Variants in CACNA1A observed in about 807,000 individuals in gnomAD.
The protein encoded by CACNA1A is calcium voltage-gated channel subunit alpha1 A.
A neutral mutation model predicts 262.4 loss-of-function variants in CACNA1A; 57 were observed. The ratio of observed to expected loss-of-function variants is 0.22; its 90% CI spans 0.18 to 0.27. The LOEUF (loss-of-function observed/expected upper bound fraction) is 0.27. Among genes scored for constraint, CACNA1A ranks in the 10% least tolerant of loss-of-function variants. CACNA1A has a pLI of 1.00. For synonymous variants in CACNA1A, 1,431 were observed against 1,419.3 expected, an observed-to-expected ratio of 1.01 and a Z score of -0.18; for missense variants, 2,526 against 3,562.8, an observed-to-expected ratio of 0.71 and a Z score of 7.41.
At chr19:13,421,529 T>C (rs894149429) in intron 3 of CACNA1A, among the ~76,000 whole-genome samples, 35 of 152,144 alleles carry the variant, frequency 2.3e-4, no homozygotes, top group African/African-American at 8.0e-4. Flanking sequence ...CAAATTCATA[T>C]GTTGAAACCT....
chr19:13,452,210 T>C (rs746862805), intron 3 of CACNA1A: 2 of 152,202 alleles, frequency 1.3e-5, no homozygotes, highest in Non-Finnish European at 2.9e-5. Flanking sequence ...GATCTTTTGT[T>C]ATACCAGCAA....
chr19:13,222,827 T>C (rs544356392), intron 38 of CACNA1A, among the ~76,000 whole-genome samples: 199 of 151,492 alleles, frequency 1.3e-3, no homozygotes, highest in Non-Finnish European at 2.2e-3. Flanking sequence ...CCGGAGTAGC[T>C]GGGGTTACAG....
At chr19:13,261,677 C>G in intron 25 of CACNA1A, 67 bp from the exon 26 acceptor site, 1 of 1,465,724 alleles carries the variant, frequency 6.8e-7, no homozygotes, top group Middle Eastern at 1.7e-4. Flanking sequence ...CCTCCAGTGG[C>G]CCATCATACC....
chr19:13,419,416 C>G (rs2060279587), intron 3 of CACNA1A, among the ~76,000 whole-genome samples: 2 of 152,208 alleles, frequency 1.3e-5, no homozygotes, highest in African/African-American at 4.8e-5. Context: ...TGGCTCATAT[C>G]TGTAATCCCA....
In CACNA1A at chr19:13,347,911, ATTTATT is replaced by A. The variant is rs1348222215; in HGVS notation, c.978+11689_978+11694del. ...CCAGGGGACACGCATTTATTTATTT[ATTTATT>A]TTTAATTATTAGGTTTTTTTTGAGA... On this transcript the variant is annotated intron_variant, in intron 6 of 46. Transcript: ENST00000360228. Among the ~76,000 whole-genome samples, 4 of 152,026 alleles carry A rather than the reference ATTTATT, an allele frequency of 2.6e-5. No homozygotes were observed. The East Asian group carries it at 5.8e-4, about 22-fold the overall frequency.
chr19:13,359,219 G>C, intron 6 of CACNA1A, among the ~76,000 whole-genome samples: 1 of 152,172 alleles, frequency 6.6e-6, no homozygotes. Flanking sequence ...GGTATGGCTG[G>C]AGAAGGACTG....
chr19:13,209,337 C>A lies in CACNA1A; in HGVS notation c.6501G>T (p.Leu2167=), dbSNP rs781746273. The A allele has an allele frequency of 1.9e-5, 27 of 1,393,730 alleles. No homozygotes were observed. The highest frequency in any genetic ancestry group is 2.0e-5 in the Non-Finnish European group (21 of 1,069,680). 86.3% of individuals were successfully genotyped at this position (1,393,730 alleles called of 1,614,324 possible). ...DRSHRASERS[L]GRYTDVDTGL... ...CTGTGTCCACATCGGTGTAGCGGCC[C>A]AGGGAGCGCTCAGAGGCGCGGTGGC... Residue 2167 remains leucine (L), a synonymous_variant, in exon 45 of 47, where the codon CTG becomes CTT. Coordinates refer to ENST00000360228, the MANE Select transcript of CACNA1A (RefSeq NM_001127222.2).
At chr19:13,413,137 C>T (rs1367100264) in intron 3 of CACNA1A, among the ~76,000 whole-genome samples, 5 of 150,592 alleles carry the variant, frequency 3.3e-5, no homozygotes, top group African/African-American at 9.7e-5. Context: ...TGGTGTCTCG[C>T]GCTCTGTCGC....
intron 30 of CACNA1A, among the ~76,000 whole-genome samples, chr19:13,251,220 C>A (rs539703550): frequency 2.4e-4 from 36 of 151,198 alleles, no homozygotes; most frequent in African/African-American, 8.3e-4. Flanking sequence ...GCGGTGGCTC[C>A]CGCCTGTAAT....
intron 3 of CACNA1A, among the ~76,000 whole-genome samples, chr19:13,411,667 CCT>C (rs1491581104): frequency 5.3e-5 from 8 of 150,924 alleles, no homozygotes; most frequent in Non-Finnish European, 1.0e-4. Flanking sequence ...CCTTGACTTC[CCT>C]CTCTCTCTTT....
rs189309820 is a variant in CACNA1A at position 13,381,387 on chromosome 19, A to C, written c.540-9608T>G. Among the ~76,000 whole-genome samples the C allele has an allele frequency of 1.1e-3, 158 of 144,832 alleles. No homozygotes were observed. In the East Asian group the frequency reaches 0.013, roughly 12 times the overall value. ...GCATTCCAGGCTGGAAGACAGAGCG[A>C]GACCCTGTATCTTAAGAGATAAAAG... On this transcript the variant is annotated intron_variant, in intron 3 of 46. Coordinates refer to ENST00000360228, the MANE Select transcript of CACNA1A (RefSeq NM_001127222.2).
chr19:13,370,614 G>C (rs893924133), intron 4 of CACNA1A, among the ~76,000 whole-genome samples: 2 of 150,906 alleles, frequency 1.3e-5, no homozygotes, highest in Non-Finnish European at 3.0e-5. Context: ...TTTGAGACAG[G>C]GTTTCGCCAT....
In CACNA1A at chr19:13,238,638, T is replaced by C. The variant is rs533089903; in HGVS notation, c.4951-2908A>G. 3.8e-4 allele frequency among the ~76,000 whole-genome samples: 57 copies of C among 151,644 alleles called. No homozygotes were observed. The South Asian group carries it at 0.012, about 31-fold the overall frequency. On this transcript the variant is annotated intron_variant, in intron 31 of 46. Transcript: ENST00000360228. ...TCTCACTCTGTTGCCCAGGCTGGAGTGCAATGGCACGACCTCGGCTCACTG... is the reference window on the plus strand; with the variant it reads ...TCTCACTCTGTTGCCCAGGCTGGAGCGCAATGGCACGACCTCGGCTCACTG...
At position 13,308,590 on chromosome 19, in the gene CACNA1A, A is replaced by G; in HGVS notation, c.1669-62T>C. On this transcript the variant is annotated intron_variant, in intron 12 of 46. Transcript: ENST00000360228. This position sits in a 1 kb window ranked among gnomAD's most constrained non-coding sequence, Gnocchi z 4.2. ...TGTCTGGGCTCCAGAACTGGCAAGC[A>G]TTTCCTAGGTACCAACCTTGCAAGA... 1.9e-6 allele frequency: 2 copies of G among 1,059,284 alleles called. No individual in the cohort carries two copies. Among genetic ancestry groups the G allele is most frequent in the South Asian group, 3.1e-5 (2 of 64,046 alleles). The allele number at this position is 1,059,284 out of a possible 1,614,324, so 65.6% of individuals were successfully genotyped here.
rs768317498 is a variant in CACNA1A, at chr19:13,255,224, C to T, written c.4626G>A (p.Pro1542=). ...ACIDFAISAK[P]LTRHMPQNKQ... ...TGTTCTGCGGCATGTGTCGGGTCAG[C>T]GGCTTGGCGCTGATGGCGAAATCAA... The change falls in exon 29 of 47, where the codon CCG becomes CCA. Residue 1542 remains proline, a synonymous_variant. Coordinates refer to ENST00000360228, the MANE Select transcript of CACNA1A (RefSeq NM_001127222.2). The T allele has an allele frequency of 1.6e-5, 26 of 1,605,960 alleles. No homozygotes were observed. Among genetic ancestry groups the T allele is most frequent in the African/African-American group, 5.4e-5 (4 of 74,746 alleles).
At chr19:13,349,735 A>T (rs2058872443) in intron 6 of CACNA1A, among the ~76,000 whole-genome samples, 1 of 152,226 alleles carries the variant, frequency 6.6e-6, no homozygotes. Flanking sequence ...CGCTGTGCAC[A>T]GCTCTGGGAC....
At chr19:13,498,592 G>A (rs1017868552) in intron 1 of CACNA1A, among the ~76,000 whole-genome samples, 7 of 152,164 alleles carry the variant, frequency 4.6e-5, no homozygotes, top group Non-Finnish European at 5.9e-5. Context: ...AGATAAAGCC[G>A]TGTCTGACCG....
intron 1 of CACNA1A, among the ~76,000 whole-genome samples, chr19:13,477,532 A>G (rs1192821396): frequency 1.3e-5 from 2 of 152,236 alleles, no homozygotes; most frequent in East Asian, 3.8e-4. Context: ...TGAGACTCAT[A>G]ATCAGGTATG....
In CACNA1A at chr19:13,317,032, C is replaced by T. The variant is rs570906014; in HGVS notation, c.1555+80G>A. On this transcript the variant is annotated intron_variant, in intron 11 of 46. Coordinates refer to ENST00000360228, the MANE Select transcript of CACNA1A (RefSeq NM_001127222.2). ...ATGAGGACCAAAGAAGATACACATA[C>T]TACCAGAGAAAGAGAAGTGGAAAAA... 3.5e-5 allele frequency: 31 copies of T among 886,154 alleles called. No homozygotes were observed. In the African/African-American group the frequency reaches 5.0e-4, roughly 14 times the overall value. 54.9% of individuals were successfully genotyped at this position (886,154 alleles called of 1,614,324 possible). A position where few individuals can be genotyped will look rare whatever the true frequency, so the allele number is the denominator to read the frequency against.
Sources: gnomAD v4.1 joint callset for allele counts (sites outside exome capture counted in the v4.1 genomes callset) on GRCh38, gnomAD v4.1.1 for gene constraint, Gnocchi (gnomAD v3.1) non-coding constraint, MANE v1.5 for transcripts, NCBI Gene and HGNC (gene_info 2026-07-23, HGNC 2026-07-21) for gene names.